POLR1C: variants seen among roughly 807,000 people sequenced by gnomAD.
POLR1C encodes the protein DNA-directed RNA polymerases I and III subunit RPAC1.
A neutral mutation model predicts 38.3 loss-of-function variants in POLR1C; 42 were observed. The ratio of observed to expected loss-of-function variants is 1.10; its 90% CI spans 0.86 to 1.42. POLR1C has a LOEUF of 1.42. Ranked by LOEUF, POLR1C falls within the 40% of genes most tolerant of loss-of-function variation. The pLI, the probability that POLR1C is intolerant of heterozygous loss-of-function variation, is 0.00. For missense variants in POLR1C, 507 were observed against 450.5 expected, an observed-to-expected ratio of 1.13 and a Z score of -1.14; for synonymous variants, 163 against 163.9, an observed-to-expected ratio of 0.99 and a Z score of 0.04.
chr6:43,530,424 A>G (rs1793895571), downstream of POLR1C, among the ~76,000 whole-genome samples: 3 of 148,104 alleles, frequency 2.0e-5, no homozygotes, highest in South Asian at 6.3e-4. Context: ...GACTGTCTCA[A>G]AAAAAAAAAA....
downstream of POLR1C, chr6:43,530,564 T>G: frequency 8.4e-7 from 1 of 1,183,816 alleles, no homozygotes; most frequent in Non-Finnish European, 1.2e-6. Flanking sequence ...CATGATACAC[T>G]TAGATACATA....
downstream of POLR1C, chr6:43,522,350 A>G (rs1793239076): frequency 6.5e-6 from 1 of 153,562 alleles, no homozygotes; most frequent in African/African-American, 2.4e-5. Context: ...TACGAAACTG[A>G]GATTTTTACT....
At chr6:43,539,051 C>T in intron 9 of POLR1C, 2 of 1,541,624 alleles carry the variant, frequency 1.3e-6, no homozygotes, top group Admixed American at 1.7e-5. Context: ...GTCATCGATA[C>T]CAGCCATCAT....
At chr6:43,523,850 G>A, downstream of POLR1C, 1 of 1,613,998 alleles carries the variant, frequency 6.2e-7, no homozygotes, top group South Asian at 1.1e-5. Context: ...GCCGAGGAAG[G>A]ATGCCCAAAA....
chr6:43,552,449 T>C (rs1037236112), intron 10 of POLR1C, among the ~76,000 whole-genome samples: 10 of 151,942 alleles, frequency 6.6e-5, no homozygotes, highest in African/African-American at 2.4e-4. Context: ...GCCTCCTGGG[T>C]TCAAGCGATT....
intron 10 of POLR1C, among the ~76,000 whole-genome samples, chr6:43,557,127 CAAA>C (rs58974895): frequency 3.3e-5 from 2 of 61,060 alleles, no homozygotes; most frequent in Non-Finnish European, 3.5e-5. Flanking sequence ...GACTCCATCT[CAAA>C]AAAAAAAAAA....
rs556175562 is a variant in POLR1C, at chr6:43,540,144, C to CT, written c.*4+10788dup. On this transcript the variant is annotated intron_variant, in intron 9 of 10. Coordinates refer to the POLR1C transcript ENST00000607635. Reference sequence around the variant, plus strand: ...GTGGCGCACGCCTGTAACCCCAGTACTTTGAGAGGCCAAGGAGGGGGGATC... The same window carrying CT: ...GTGGCGCACGCCTGTAACCCCAGTACTTTTGAGAGGCCAAGGAGGGGGGATC... Among the ~76,000 whole-genome samples, 3 of 152,076 alleles carry CT rather than the reference C, an allele frequency of 2.0e-5. No individual in the cohort carries two copies. The South Asian group carries it at 6.2e-4, about 32-fold the overall frequency.
chr6:43,539,181 C>T lies in POLR1C; in HGVS notation c.*4+9822C>T, dbSNP rs1372101597. The stretch of plus-strand genomic sequence containing the variant: ...TTGCAGGGGACGGTGTGGGGCTTGC[C>T]GATCTTGTTCCCCTAGTAGCCTCTG... On this transcript the variant is annotated intron_variant, in intron 9 of 10. Transcript: ENST00000607635. 13 of 1,118,418 alleles carry T rather than the reference C, an allele frequency of 1.2e-5. No individual in the cohort carries two copies. The South Asian group carries it at 1.3e-4, about 11-fold the overall frequency. 69.3% of individuals were successfully genotyped at this position (1,118,418 alleles called of 1,614,324 possible).
intron 8 of POLR1C, chr6:43,527,028 G>A: frequency 2.8e-6 from 1 of 356,760 alleles, no homozygotes; most frequent in Non-Finnish European, 5.2e-6. Context: ...GGTCTACTTT[G>A]AATCTCAAAC....
In POLR1C at chr6:43,560,778, T is replaced by C. The variant is rs1018759077; in HGVS notation, c.*49-622T>C. On this transcript the variant is annotated intron_variant, in intron 10 of 10. Transcript: ENST00000607635. ...TTGGCTCAGGAAGAAGAGCCAATAA[T>C]TCTCTTAATGAAATGACACTACGGT... 5 of 696,688 alleles carry C rather than the reference T, an allele frequency of 7.2e-6. No individual in the cohort carries two copies. The African/African-American group carries it at 8.9e-5, about 12-fold the overall frequency. 43.2% of individuals were successfully genotyped at this position (696,688 alleles called of 1,614,324 possible). A position where few individuals can be genotyped will look rare whatever the true frequency, so the allele number is the denominator to read the frequency against.
chr6:43,519,767 A>G lies in POLR1C; in HGVS notation c.311A>G (p.Glu104Gly). 1 of 1,614,072 alleles carries G rather than the reference A, an allele frequency of 6.2e-7. No homozygotes were observed. Among genetic ancestry groups the G allele is most frequent in the Non-Finnish European group, 8.5e-7 (1 of 1,179,998 alleles). The change falls in exon 4 of 9, where the codon GAG becomes GGG. Residue 104 changes from glutamate to glycine, a missense_variant. Coordinates refer to ENST00000642195, the MANE Select transcript of POLR1C (RefSeq NM_203290.4). ...VYNNTSIVQD[E>G]ILAHRLGLIP... ...AATAATACATCCATTGTTCAGGATG[A>G]GATTCTTGCTCACCGTCTGGGGCTC...
At chr6:43,545,315 C>T (rs901867834) in intron 9 of POLR1C, among the ~76,000 whole-genome samples, 4 of 152,160 alleles carry the variant, frequency 2.6e-5, no homozygotes, top group South Asian at 2.1e-4. Context: ...AGTTTCACTG[C>T]GACATGAATA....
downstream of POLR1C, chr6:43,530,943 G>T: frequency 1.5e-6 from 2 of 1,298,088 alleles, no homozygotes; most frequent in Non-Finnish European, 2.1e-6. Flanking sequence ...AAGAGCAGTT[G>T]TATTTACTTA....
chr6:43,532,511 C>T (rs570183308), downstream of POLR1C, among the ~76,000 whole-genome samples: 1 of 152,324 alleles, frequency 6.6e-6, no homozygotes, highest in South Asian at 2.1e-4. Context: ...CCCACATTCC[C>T]AGACTAGCTC....
At chr6:43,519,045 A>G (rs1792999088) in intron 2 of POLR1C, 1 of 455,454 alleles carries the variant, frequency 2.2e-6, no homozygotes, top group Non-Finnish European at 4.0e-6. Context: ...AGTAGTGTCA[A>G]CAAAACTAAG....
chr6:43,554,281 T>C (rs1372266198), intron 10 of POLR1C, among the ~76,000 whole-genome samples: 1 of 143,596 alleles, frequency 7.0e-6, no homozygotes, highest in Non-Finnish European at 1.5e-5. Context: ...AATTTTTGTA[T>C]TTTTTTTTTT....
chr6:43,525,624 A>G (rs969605407), downstream of POLR1C: 8 of 572,444 alleles, frequency 1.4e-5, no homozygotes, highest in South Asian at 4.6e-5. Context: ...TGTGCCTACT[A>G]TGTGTTTTCC....
intron 9 of POLR1C, among the ~76,000 whole-genome samples, chr6:43,542,464 C>T (rs916250733): frequency 1.3e-5 from 2 of 151,848 alleles, no homozygotes; most frequent in African/African-American, 4.8e-5. Context: ...GGCTGGAGTA[C>T]GGTAACATGA....
At chr6:43,517,508 C>T in intron 2 of POLR1C, 131 bp downstream of exon 2, 2 of 779,596 alleles carry the variant, frequency 2.6e-6, no homozygotes, top group South Asian at 1.5e-5. Context: ...ATGTGCTAGA[C>T]GCTCCGTTTA....
Sources: gnomAD v4.1 joint callset for allele counts (sites outside exome capture counted in the v4.1 genomes callset) on GRCh38, gnomAD v4.1.1 for gene constraint, MANE v1.5 for transcripts, NCBI Gene and HGNC (gene_info 2026-07-23, HGNC 2026-07-21) for gene names.